Variants in ADAM22 observed in about 807,000 individuals in gnomAD.
ADAM22 encodes the protein ADAM metallopeptidase domain 22.
ADAM22 carries 65 observed loss-of-function variants against 144.6 expected under a neutral mutation model. The observed-to-expected ratio is 0.45, with a 90% confidence interval of 0.37 to 0.55. The LOEUF is 0.55. ADAM22 is among the 20% of genes least tolerant of loss of function. ADAM22 has a pLI of 0.00. For missense variants in ADAM22, 974 were observed against 1,184.9 expected (o/e 0.82, Z 2.61); for synonymous variants, 391 against 412.6 (o/e 0.95, Z 0.63).
At chr7:88,103,639 A>G (rs1478984782) in intron 4 of ADAM22, among the ~76,000 whole-genome samples, 1 of 152,178 alleles carries the variant, frequency 6.6e-6, no homozygotes, top group African/African-American at 2.4e-5. Context: ...AAAAGAGACA[A>G]TAAGGAATAA....
At chr7:88,098,970 G>T (rs1232726601) in intron 4 of ADAM22, among the ~76,000 whole-genome samples, 4 of 152,194 alleles carry the variant, frequency 2.6e-5, no homozygotes, top group African/African-American at 7.2e-5. Context: ...GATGCTGTTT[G>T]AACATTTGTA....
intron 3 of ADAM22, among the ~76,000 whole-genome samples, chr7:87,978,818 T>C (rs1852540380): frequency 6.6e-6 from 1 of 152,222 alleles, no homozygotes; most frequent in Non-Finnish European, 1.5e-5. Context: ...TGATATGTGA[T>C]GTTAAATAGT....
At chr7:88,031,071 G>A (rs991190442) in intron 3 of ADAM22, among the ~76,000 whole-genome samples, 9 of 152,112 alleles carry the variant, frequency 5.9e-5, no homozygotes, top group African/African-American at 9.7e-5. Context: ...AACCAAGATC[G>A]CGCCACTGCA....
chr7:88,128,803 T>G, intron 9 of ADAM22, 127 bp downstream of exon 9: 1 of 638,580 alleles, frequency 1.6e-6, no homozygotes, highest in Non-Finnish European at 2.6e-6. Context: ...TATAATCAAA[T>G]ATATTTGTTA....
chr7:88,092,280 T>TC (rs895840750), intron 4 of ADAM22, among the ~76,000 whole-genome samples: 1 of 151,762 alleles, frequency 6.6e-6, no homozygotes, highest in African/African-American at 2.4e-5. Context: ...AAAATACCCA[T>TC]CCCCCCTACC....
intron 4 of ADAM22, among the ~76,000 whole-genome samples, chr7:88,083,586 T>TG (rs1491540967): frequency 1.7e-5 from 2 of 117,724 alleles, no homozygotes; most frequent in African/African-American, 6.5e-5. Flanking sequence ...TTACTTTGTG[T>TG]TTGTGTGTGT....
chr7:88,050,059 A>G (rs1397492441), intron 3 of ADAM22, among the ~76,000 whole-genome samples: 2 of 151,848 alleles, frequency 1.3e-5, no homozygotes, highest in South Asian at 2.1e-4. Context: ...TTTAATAAAT[A>G]TAATGTAAAT....
At chr7:88,125,220 T>C (rs1193792996) in intron 7 of ADAM22, among the ~76,000 whole-genome samples, 1 of 152,010 alleles carries the variant, frequency 6.6e-6, no homozygotes, top group Admixed American at 6.6e-5. Context: ...TGTGTGATTA[T>C]TTATTCTACT....
intron 30 of ADAM22, among the ~76,000 whole-genome samples, chr7:88,190,083 A>C (rs1165376501): frequency 6.6e-6 from 1 of 152,238 alleles, no homozygotes; most frequent in East Asian, 1.9e-4. Context: ...CCTTGGGTGC[A>C]GAACTGAACT....
intron 4 of ADAM22, among the ~76,000 whole-genome samples, chr7:88,081,506 G>A (rs1170627668): frequency 6.6e-6 from 1 of 152,138 alleles, no homozygotes; most frequent in Non-Finnish European, 1.5e-5. Flanking sequence ...TCAGGCAGGA[G>A]AAGGAAATAA....
intron 3 of ADAM22, among the ~76,000 whole-genome samples, chr7:88,072,762 G>T (rs1813156703): frequency 6.6e-6 from 1 of 152,174 alleles, no homozygotes; most frequent in African/African-American, 2.4e-5. Flanking sequence ...TGATAAACAT[G>T]CCTCTGTATG....
Position 88,145,573 on chromosome 7 carries a change from G to C in ADAM22, c.1485+66G>C, listed in dbSNP as rs893205171. ...ATACTTGATTAAATCATTAAGGCTGGGTAAATATAATCTAATAACAGAAAT... is the reference window on the plus strand; with the variant it reads ...ATACTTGATTAAATCATTAAGGCTGCGTAAATATAATCTAATAACAGAAAT... On this transcript the variant is annotated intron_variant, in intron 17 of 31. Transcript: ENST00000413139. 3.1e-6 allele frequency: 4 copies of C among 1,284,648 alleles called. No individual in the cohort carries two copies. The African/African-American group carries it at 5.9e-5, about 19-fold the overall frequency. 79.6% of individuals were successfully genotyped at this position (1,284,648 alleles called of 1,614,324 possible).
intron 3 of ADAM22, among the ~76,000 whole-genome samples, chr7:88,041,339 G>A (rs991848714): frequency 1.3e-5 from 2 of 151,774 alleles, no homozygotes; most frequent in Non-Finnish European, 2.9e-5. Context: ...AATTATTTGC[G>A]GAAGTTAAAA....
At chr7:88,186,769 C>T in intron 30 of ADAM22, 68 bp downstream of exon 30, 4 of 981,950 alleles carry the variant, frequency 4.1e-6, no homozygotes, top group Non-Finnish European at 6.4e-6. Flanking sequence ...TGTAGTGTGA[C>T]TGGCTCTCTA....
chr7:88,025,426 G>T (rs1563053805), intron 3 of ADAM22, among the ~76,000 whole-genome samples: 1 of 152,100 alleles, frequency 6.6e-6, no homozygotes, highest in Non-Finnish European at 1.5e-5. Context: ...TGCGTGTGGG[G>T]TATTACTGGT....
chr7:88,131,540 A>G, intron 11 of ADAM22, 105 bp downstream of exon 11: 3 of 1,234,714 alleles, frequency 2.4e-6, no homozygotes, highest in Non-Finnish European at 3.4e-6. Flanking sequence ...TTAGGATTTG[A>G]CATGGCAGAT....
chr7:88,045,218 A>T (rs1010339329), intron 3 of ADAM22, among the ~76,000 whole-genome samples: 2 of 152,144 alleles, frequency 1.3e-5, no homozygotes, highest in East Asian at 3.9e-4. Context: ...GGGTTTCACC[A>T]TGTTGGCCAG....
chr7:87,944,179 G>A (rs1034170444), intron 2 of ADAM22, among the ~76,000 whole-genome samples: 9 of 150,458 alleles, frequency 6.0e-5, no homozygotes, highest in African/African-American at 1.7e-4. Flanking sequence ...GGTTTGTTTC[G>A]GAGGAATTGC....
intron 2 of ADAM22, among the ~76,000 whole-genome samples, chr7:87,957,254 G>C (rs1847000079): frequency 6.6e-6 from 1 of 152,184 alleles, no homozygotes; most frequent in Admixed American, 6.5e-5. Context: ...CTGGATGGTT[G>C]TGTTACTTAT....
Sources: gnomAD v4.1 joint callset for allele counts (sites outside exome capture counted in the v4.1 genomes callset) on GRCh38, gnomAD v4.1.1 for gene constraint, MANE v1.5 for transcripts, NCBI Gene and HGNC (gene_info 2026-07-23, HGNC 2026-07-21) for gene names.